Variants in FHIP1A observed in about 807,000 individuals in gnomAD.
The protein encoded by FHIP1A is FHF complex subunit HOOK interacting protein 1A.
A neutral mutation model predicts 88.6 loss-of-function variants in FHIP1A; 61 were observed. The ratio of observed to expected loss-of-function variants is 0.69; its 90% CI spans 0.56 to 0.85. FHIP1A has a LOEUF of 0.85. Among genes scored for constraint, FHIP1A ranks in the 40% least tolerant of loss-of-function variants. The pLI is 0.00. For synonymous variants in FHIP1A, 478 were observed against 496.0 expected, an observed-to-expected ratio of 0.96 and a Z score of 0.48; for missense variants, 1,154 against 1,273.5, an observed-to-expected ratio of 0.91 and a Z score of 1.43.
intron 7 of FHIP1A, among the ~76,000 whole-genome samples, chr4:151,606,328 G>C (rs899490729): frequency 6.6e-6 from 1 of 152,154 alleles, no homozygotes; most frequent in African/African-American, 2.4e-5. Flanking sequence ...AAAACGTCTT[G>C]AAGTTTTATG....
intron 5 of FHIP1A, 64 bp from the exon 6 acceptor site, chr4:151,586,577 A>G (rs1015682981): frequency 1.5e-6 from 2 of 1,338,722 alleles, no homozygotes; most frequent in African/African-American, 2.9e-5. Context: ...ATCACCTGTG[A>G]GCTGTTAATT....
At chr4:151,432,338 G>A (rs1733623238) in intron 1 of FHIP1A, among the ~76,000 whole-genome samples, 1 of 152,140 alleles carries the variant, frequency 6.6e-6, no homozygotes, top group Non-Finnish European at 1.5e-5. Context: ...TAGACACTAG[G>A]AATCATTCAT....
intron 3 of FHIP1A, among the ~76,000 whole-genome samples, chr4:151,530,067 G>T (rs899161146): frequency 6.6e-6 from 1 of 152,102 alleles, no homozygotes; most frequent in Non-Finnish European, 1.5e-5. Context: ...TTCTGAGTTT[G>T]CGTTTATTGA....
Position 151,665,937 on chromosome 4 carries a change from G to A in FHIP1A, c.*3183G>A, listed in dbSNP as rs959265521. Among the ~76,000 whole-genome samples, 170 of 152,278 alleles carry A rather than the reference G, an allele frequency of 1.1e-3. No homozygotes were observed. The highest frequency in any genetic ancestry group is 1.9e-4 in the East Asian group (1 of 5,190). On this transcript the variant is annotated 3_prime_UTR_variant, in exon 14 of 14. Coordinates refer to ENST00000435205, the MANE Select transcript of FHIP1A (RefSeq NM_001109977.3). ...TAGGGGAAGAGAAACCGTGGGTACC[G>A]CCCGCTGGCGCAGCCCCTGAGCTGG...
chr4:151,596,083 A>G (rs1734636574), intron 7 of FHIP1A, among the ~76,000 whole-genome samples: 1 of 152,074 alleles, frequency 6.6e-6, no homozygotes, highest in Non-Finnish European at 1.5e-5. Flanking sequence ...CTAGCTGGTT[A>G]TTTTGCCCAT....
chr4:151,523,148 T>C (rs1450700820), intron 3 of FHIP1A, among the ~76,000 whole-genome samples: 1 of 152,220 alleles, frequency 6.6e-6, no homozygotes, highest in Non-Finnish European at 1.5e-5. Flanking sequence ...ACATGTGACA[T>C]AATTGCCTGT....
chr4:151,569,420 C>T (rs547519181), intron 4 of FHIP1A, among the ~76,000 whole-genome samples: 3 of 151,942 alleles, frequency 2.0e-5, no homozygotes, highest in East Asian at 2.0e-4. Flanking sequence ...GGCATGGTGG[C>T]GGGTGCCTGT....
chr4:151,529,938 T>TA (rs1276998767), intron 3 of FHIP1A, among the ~76,000 whole-genome samples: 1 of 152,202 alleles, frequency 6.6e-6, no homozygotes, highest in East Asian at 1.9e-4. Context: ...TCACGAACAG[T>TA]ACTGGCCCTT....
intron 4 of FHIP1A, among the ~76,000 whole-genome samples, chr4:151,575,851 C>T (rs1372263173): frequency 6.6e-6 from 1 of 152,104 alleles, no homozygotes; most frequent in South Asian, 2.1e-4. Context: ...TGCCAGCTTC[C>T]CCAATGACTT....
intron 3 of FHIP1A, among the ~76,000 whole-genome samples, chr4:151,488,445 C>G (rs556019498): frequency 2.6e-5 from 4 of 152,304 alleles, no homozygotes; most frequent in African/African-American, 7.2e-5. Flanking sequence ...CCAGCTGCAT[C>G]CATATTGTTG....
chr4:151,489,944 G>T (rs1211149734), intron 3 of FHIP1A, among the ~76,000 whole-genome samples: 2 of 152,114 alleles, frequency 1.3e-5, no homozygotes, highest in Non-Finnish European at 2.9e-5. Flanking sequence ...CCCATCACCT[G>T]AGAAACCAGA....
At chr4:151,496,987 A>G (rs1488375456) in intron 3 of FHIP1A, among the ~76,000 whole-genome samples, 3 of 152,210 alleles carry the variant, frequency 2.0e-5, no homozygotes, top group African/African-American at 7.2e-5. Context: ...AAAAGAAACA[A>G]TAAAAGCAAA....
At chr4:151,588,525 A>G (rs1734303718) in intron 6 of FHIP1A, among the ~76,000 whole-genome samples, 2 of 152,168 alleles carry the variant, frequency 1.3e-5, no homozygotes, top group Non-Finnish European at 2.9e-5. Context: ...CACACTGGAT[A>G]TGGTATGTGT....
chr4:151,448,877 G>T (rs548261968), intron 1 of FHIP1A, among the ~76,000 whole-genome samples: 1 of 152,098 alleles, frequency 6.6e-6, no homozygotes, highest in Admixed American at 6.6e-5. Flanking sequence ...TTGAGGAACT[G>T]CCATACTGTT....
intron 13 of FHIP1A, among the ~76,000 whole-genome samples, chr4:151,661,624 CAT>C (rs1737461114): frequency 6.6e-6 from 1 of 151,934 alleles, no homozygotes; most frequent in Non-Finnish European, 1.5e-5. Context: ...CAGAGGAAGA[CAT>C]AAATAATTCC....
At chr4:151,659,602 G>A (rs1205610041) in intron 13 of FHIP1A, among the ~76,000 whole-genome samples, 1 of 152,126 alleles carries the variant, frequency 6.6e-6, no homozygotes, top group East Asian at 1.9e-4. Flanking sequence ...TCAGACCCAG[G>A]GCAACATTTC....
intron 3 of FHIP1A, among the ~76,000 whole-genome samples, chr4:151,558,776 A>G (rs1234091915): frequency 1.3e-5 from 2 of 152,248 alleles, no homozygotes; most frequent in African/African-American, 2.4e-5. Flanking sequence ...AGGGTCCCTC[A>G]GACCACATTT....
chr4:151,501,601 T>C (rs2126663243), intron 3 of FHIP1A, among the ~76,000 whole-genome samples: 1 of 152,028 alleles, frequency 6.6e-6, no homozygotes, highest in South Asian at 2.1e-4. Context: ...TTTTAATTTT[T>C]AAATTATGGC....
At chr4:151,662,478 G>A in intron 13 of FHIP1A, 23 bp from the exon 14 acceptor site, 1 of 1,504,678 alleles carries the variant, frequency 6.6e-7, no homozygotes, top group Non-Finnish European at 8.9e-7. Context: ...GGGACACCAT[G>A]ATGGTTTTCT....
Sources: gnomAD v4.1 joint callset for allele counts (sites outside exome capture counted in the v4.1 genomes callset) on GRCh38, gnomAD v4.1.1 for gene constraint, MANE v1.5 for transcripts, NCBI Gene and HGNC (gene_info 2026-07-23, HGNC 2026-07-21) for gene names.